The following SIGLECL1 variants were observed in gnomAD, a reference collection of about 807,000 sequenced individuals.
SIGLECL1 encodes SIGLEC family-like protein 1.
A neutral mutation model predicts 19.1 loss-of-function variants in SIGLECL1; 16 were observed. The observed-to-expected ratio is 0.84, with a 90% confidence interval of 0.57 to 1.27. The LOEUF (loss-of-function observed/expected upper bound fraction) is 1.27, where lower values mean the gene tolerates loss of function less well. SIGLECL1 is among the 50% of genes most tolerant of loss of function. SIGLECL1 has a pLI of 0.00. For missense variants in SIGLECL1, 210 were observed against 239.4 expected, an observed-to-expected ratio of 0.88 and a Z score of 0.81; for synonymous variants, 89 against 90.4, an observed-to-expected ratio of 0.98 and a Z score of 0.09.
At position 51,263,961 on chromosome 19, in the gene SIGLECL1, T is replaced by A; in HGVS notation, c.-112T>A. 3 of 1,363,804 alleles carry A rather than the reference T, an allele frequency of 2.2e-6. No individual in the cohort carries two copies. In the East Asian group the frequency reaches 7.3e-5, roughly 33 times the overall value. The allele number at this position is 1,363,804 out of a possible 1,614,324, so 84.5% of individuals were successfully genotyped here. A position where few individuals can be genotyped will look rare whatever the true frequency, so the allele number is the denominator to read the frequency against. ...TACTTCTGCTCTCCCCATCCCCACATCCTCTTTCAGTTACGCATCACCTCA... is the reference window on the plus strand; with the variant it reads ...TACTTCTGCTCTCCCCATCCCCACAACCTCTTTCAGTTACGCATCACCTCA... On this transcript the variant is annotated 5_prime_UTR_variant, in exon 2 of 6. Transcript: ENST00000601727.
upstream of SIGLECL1, among the ~76,000 whole-genome samples, chr19:51,250,210 C>T (rs918137793): frequency 1.3e-5 from 2 of 152,148 alleles, no homozygotes; most frequent in Admixed American, 6.5e-5. Context: ...CCTCAACCTC[C>T]CAAGTAGCTG....
intron 1 of SIGLECL1, among the ~76,000 whole-genome samples, chr19:51,261,828 T>A (rs968893348): frequency 6.6e-6 from 1 of 152,254 alleles, no homozygotes; most frequent in African/African-American, 2.4e-5. Flanking sequence ...TGTTTGTTTC[T>A]CTGTCTTTAT....
intron 1 of SIGLECL1, among the ~76,000 whole-genome samples, chr19:51,261,868 A>G (rs1983255404): frequency 6.6e-6 from 1 of 152,144 alleles, no homozygotes; most frequent in African/African-American, 2.4e-5. Flanking sequence ...TCAAAGTACA[A>G]TTTTATACAG....
chr19:51,249,405 T>C (rs184673841), upstream of SIGLECL1, among the ~76,000 whole-genome samples: 634 of 151,998 alleles, frequency 4.2e-3, 4 homozygotes, highest in African/African-American at 0.014. Context: ...CTCTGCAAGC[T>C]GTAAGGGCCA....
intron 1 of SIGLECL1, among the ~76,000 whole-genome samples, chr19:51,255,480 A>C (rs753143800): frequency 4.6e-5 from 7 of 152,318 alleles, no homozygotes; most frequent in Middle Eastern, 6.8e-3. Context: ...CAAAGGAAAC[A>C]ATCAACAGAG....
rs548106504 is a variant in SIGLECL1, at chr19:51,258,951, A to G, written c.-190-4932A>G. ...TAGAAGCCAGAAGGCAAACATGACA[A>G]TGGGAAATCTGACCTCAGATCTCCT... On this transcript the variant is annotated intron_variant, in intron 1 of 5. Transcript: ENST00000601727. Among the ~76,000 whole-genome samples the G allele has an allele frequency of 2.0e-5, 3 of 152,290 alleles. No individual in the cohort carries two copies. In the East Asian group the frequency reaches 5.8e-4, roughly 29 times the overall value.
chr19:51,267,812 T>G (rs1221964051), intron 5 of SIGLECL1, among the ~76,000 whole-genome samples: 1 of 152,200 alleles, frequency 6.6e-6, no homozygotes, highest in Non-Finnish European at 1.5e-5. Context: ...AAAATCCTAA[T>G]AGCAGTTGTA....
At chr19:51,251,631 A>T (rs2123372666) in intron 1 of SIGLECL1, 86 bp downstream of exon 1, 1 of 152,446 alleles carries the variant, frequency 6.6e-6, no homozygotes, top group Non-Finnish European at 1.5e-5. Context: ...TTCATGAGAA[A>T]ATCCACTCCC....
At chr19:51,253,543 T>C (rs958878154) in intron 1 of SIGLECL1, among the ~76,000 whole-genome samples, 1 of 152,194 alleles carries the variant, frequency 6.6e-6, no homozygotes, top group African/African-American at 2.4e-5. Context: ...AGGCTGACAG[T>C]GAGGGAAGTG....
intron 1 of SIGLECL1, among the ~76,000 whole-genome samples, chr19:51,255,200 C>T (rs1982726915): frequency 6.7e-6 from 1 of 149,748 alleles, no homozygotes; most frequent in African/African-American, 2.5e-5. Flanking sequence ...ATGGAGGTTG[C>T]AGTGAGCCAA....
In SIGLECL1 at chr19:51,251,405, CAG is replaced by C. The variant is rs1464544164; in HGVS notation, c.-328_-327del. The stretch of plus-strand genomic sequence containing the variant: ...GGCCCCTGAGAGCCCTTTGGTCAGA[CAG>C]AGGCTAAATCTGAACAGTCAGGCGG... On this transcript the variant is annotated 5_prime_UTR_variant, in exon 1 of 6. Transcript: ENST00000601727. 6.5e-6 allele frequency: 1 copy of C among 152,772 alleles called. No individual in the cohort carries two copies. Among genetic ancestry groups the C allele is most frequent in the Non-Finnish European group, 1.5e-5 (1 of 68,096 alleles). The allele number at this position is 152,772 out of a possible 1,614,324, so 9.5% of individuals were successfully genotyped here. A position where few individuals can be genotyped will look rare whatever the true frequency, so the allele number is the denominator to read the frequency against.
At chr19:51,249,334 C>T (rs1222344061), upstream of SIGLECL1, among the ~76,000 whole-genome samples, 1 of 152,062 alleles carries the variant, frequency 6.6e-6, no homozygotes, top group East Asian at 1.9e-4. Flanking sequence ...AGTCAGTCTG[C>T]TACAGCTAGG....
At position 51,267,430 on chromosome 19, in the gene SIGLECL1, G is replaced by A. The variant is rs139583927; in HGVS notation, c.468G>A (p.Lys156=). Residue 156 remains lysine, a synonymous_variant, in exon 5 of 6, where the codon AAG becomes AAA. Coordinates refer to ENST00000601727, the MANE Select transcript of SIGLECL1 (RefSeq NM_001385465.1). ...AKKAAAIRAK[K]SSKVRASQEL... is the part of the protein sequence containing the mutation. Reference sequence around the variant, plus strand: ...AAGCTGCAGCGATCAGAGCAAAAAAGAGCTCTAAAGTCAGAGCAAGCCAAG... The same window carrying A: ...AAGCTGCAGCGATCAGAGCAAAAAAAAGCTCTAAAGTCAGAGCAAGCCAAG... The A allele has an allele frequency of 1.3e-4, 212 of 1,614,004 alleles. No individual in the cohort carries two copies. The highest frequency in any genetic ancestry group is 1.7e-4 in the Non-Finnish European group (204 of 1,180,046).
chr19:51,264,072 G>A lies in SIGLECL1; in HGVS notation c.-1G>A, dbSNP rs1182150823. ...CCTGAGAACTGTTGCTGCTGGAAGT[G>A]ATGCTTCCACTGCTACAGCTGGGTA... is the stretch of plus-strand genomic sequence containing the variant. On this transcript the variant is annotated 5_prime_UTR_variant, in exon 2 of 6. Coordinates refer to ENST00000601727, the MANE Select transcript of SIGLECL1 (RefSeq NM_001385465.1). The A allele has an allele frequency of 3.1e-6, 5 of 1,614,052 alleles. No homozygotes were observed. Among genetic ancestry groups the A allele is most frequent in the Non-Finnish European group, 8.5e-7 (1 of 1,179,978 alleles).
upstream of SIGLECL1, among the ~76,000 whole-genome samples, chr19:51,247,374 C>G (rs1194403703): frequency 1.3e-5 from 2 of 152,156 alleles, no homozygotes; most frequent in African/African-American, 2.4e-5. Context: ...ACAAAATGAA[C>G]TTTCTCTAGT....
chr19:51,247,031 T>C (rs1982283628), upstream of SIGLECL1, among the ~76,000 whole-genome samples: 1 of 152,218 alleles, frequency 6.6e-6, no homozygotes. Flanking sequence ...CTTTGTAATT[T>C]TGAGTTGGTC....
At chr19:51,248,101 C>T (rs1272237130), upstream of SIGLECL1, among the ~76,000 whole-genome samples, 4 of 152,092 alleles carry the variant, frequency 2.6e-5, no homozygotes, top group Non-Finnish European at 5.9e-5. Context: ...AGCCTGCAAC[C>T]TGGGAGCTTG....
chr19:51,247,639 A>G (rs1185605898), upstream of SIGLECL1, among the ~76,000 whole-genome samples: 1 of 152,198 alleles, frequency 6.6e-6, no homozygotes, highest in Non-Finnish European at 1.5e-5. Flanking sequence ...GGCGGTCTCG[A>G]ACTCCTGACC....
intron 4 of SIGLECL1, among the ~76,000 whole-genome samples, 178 bp downstream of exon 4, chr19:51,266,060 C>A (rs1254303413): frequency 6.6e-6 from 1 of 151,996 alleles, no homozygotes; most frequent in Non-Finnish European, 1.5e-5. Flanking sequence ...TATACAGAAC[C>A]GTAAAACTGT....
Sources: gnomAD v4.1 joint callset for allele counts (sites outside exome capture counted in the v4.1 genomes callset) on GRCh38, gnomAD v4.1.1 for gene constraint, MANE v1.5 for transcripts, NCBI Gene and HGNC (gene_info 2026-07-23, HGNC 2026-07-21) for gene names.